Variants in RNF149 observed in about 807,000 individuals in gnomAD.
The protein encoded by RNF149 is E3 ubiquitin-protein ligase RNF149.
Under a neutral mutation model 39.0 loss-of-function variants are expected in RNF149, and 21 were observed. The observed-to-expected ratio is 0.54, with a 90% CI of 0.38 to 0.77. RNF149 has a LOEUF of 0.77. RNF149 is among the 30% of genes least tolerant of loss of function. The probability of loss-of-function intolerance (pLI) is 0.00; values close to 1 mark genes in which losing one functional copy is unlikely to be tolerated. For missense variants in RNF149, 493 were observed against 534.9 expected (o/e 0.92, Z 0.77); for synonymous variants, 209 against 213.6 (o/e 0.98, Z 0.19).
chr2:101,290,671 A>C (rs1682972413), intron 3 of RNF149, among the ~76,000 whole-genome samples: 1 of 152,258 alleles, frequency 6.6e-6, no homozygotes, highest in East Asian at 1.9e-4. Flanking sequence ...TAAATATTTG[A>C]AAATAGTTAC....
chr2:101,300,037 G>T (rs1656676077), intron 1 of RNF149, among the ~76,000 whole-genome samples: 1 of 152,198 alleles, frequency 6.6e-6, no homozygotes. Flanking sequence ...CTACAAAATG[G>T]GAATGAGAAT....
Position 101,278,167 on chromosome 2 carries a change from A to G in RNF149, c.1160-886T>C, listed in dbSNP as rs554306135. Among the ~76,000 whole-genome samples the G allele has an allele frequency of 3.9e-5, 6 of 152,178 alleles. No individual in the cohort carries two copies. In the East Asian group the frequency reaches 9.7e-4, roughly 25 times the overall value. On this transcript the variant is annotated intron_variant, in intron 6 of 6. Transcript: ENST00000295317. Reference sequence around the variant, plus strand: ...TTTCTTTTTTCTTTTCTTTTTTGATATAGGGTCTCACTCTCTCACCCAGGC... The same window carrying G: ...TTTCTTTTTTCTTTTCTTTTTTGATGTAGGGTCTCACTCTCTCACCCAGGC...
At chr2:101,282,492 A>C (rs977505895) in intron 5 of RNF149, among the ~76,000 whole-genome samples, 1 of 152,098 alleles carries the variant, frequency 6.6e-6, no homozygotes, top group Non-Finnish European at 1.5e-5. Flanking sequence ...TTTCTTGAAA[A>C]AGTTACTCTG....
Position 101,276,366 on chromosome 2 carries a change from T to G in RNF149, c.*872A>C. ...GCAAGGTCATGGTATTAAATCTGCT[T>G]AAACTCTAATCAAGAAAACTGGTTA... On this transcript the variant is annotated 3_prime_UTR_variant, in exon 7 of 7. Coordinates refer to ENST00000295317, the MANE Select transcript of RNF149 (RefSeq NM_173647.4). 29 of 985,860 alleles carry G rather than the reference T, an allele frequency of 2.9e-5. No homozygotes were observed. The highest frequency in any genetic ancestry group is 3.5e-5 in the Non-Finnish European group (29 of 829,918). 61.1% of individuals were successfully genotyped at this position (985,860 alleles called of 1,614,324 possible).
chr2:101,294,114 A>G, intron 2 of RNF149, 32 bp from the exon 3 acceptor site: 1 of 1,168,110 alleles, frequency 8.6e-7, no homozygotes, highest in Non-Finnish European at 1.3e-6. Context: ...ACAGTTATTG[A>G]AAAATTTAAA....
intron 1 of RNF149, among the ~76,000 whole-genome samples, chr2:101,304,885 G>A (rs943875543): frequency 6.8e-6 from 1 of 146,102 alleles, no homozygotes; most frequent in Admixed American, 7.0e-5. Flanking sequence ...CTGTCACCCA[G>A]GCTAGAGTAC....
rs1573260334 is a variant in RNF149, at chr2:101,301,290, C to G, written c.461-6109G>C. Among the ~76,000 whole-genome samples the G allele has an allele frequency of 2.0e-5, 3 of 151,644 alleles. No individual in the cohort carries two copies. The East Asian group carries it at 5.8e-4, about 29-fold the overall frequency. ...AATATCTTTGCACATAGTACATAAT[C>G]ATAAATCTACTTGCTGAACAATACT... is the stretch of plus-strand genomic sequence containing the variant. On this transcript the variant is annotated intron_variant, in intron 1 of 6. Transcript: ENST00000295317.
intron 1 of RNF149, among the ~76,000 whole-genome samples, chr2:101,302,546 T>C (rs372584362): frequency 5.9e-5 from 9 of 152,310 alleles, no homozygotes; most frequent in African/African-American, 2.2e-4. Flanking sequence ...TAATGTAACT[T>C]GACAATGTTA....
downstream of RNF149, among the ~76,000 whole-genome samples, chr2:101,275,111 GTTTT>G (rs1165388203): frequency 2.0e-5 from 1 of 51,056 alleles, no homozygotes; most frequent in African/African-American, 8.7e-5. Context: ...TAGTATTTCT[GTTTT>G]TTTTTTTTTT....
At chr2:101,303,419 G>A (rs750274125) in intron 1 of RNF149, among the ~76,000 whole-genome samples, 1 of 151,900 alleles carries the variant, frequency 6.6e-6, no homozygotes, top group African/African-American at 2.4e-5. Context: ...GAGCTACTGC[G>A]CCCGACCCCA....
At chr2:101,275,332 T>C (rs1217023178), downstream of RNF149, among the ~76,000 whole-genome samples, 1 of 148,654 alleles carries the variant, frequency 6.7e-6, no homozygotes, top group Non-Finnish European at 1.5e-5. Flanking sequence ...TTAGCCAGGA[T>C]GGTCTCGATC....
intron 1 of RNF149, among the ~76,000 whole-genome samples, chr2:101,299,113 G>A (rs915168574): frequency 2.0e-5 from 3 of 152,128 alleles, no homozygotes; most frequent in Admixed American, 2.0e-4. Flanking sequence ...CCAAAATCGC[G>A]CCACTGCACT....
Sources: gnomAD v4.1 joint callset for allele counts (sites outside exome capture counted in the v4.1 genomes callset) on GRCh38, gnomAD v4.1.1 for gene constraint, MANE v1.5 for transcripts, NCBI Gene and HGNC (gene_info 2026-07-23, HGNC 2026-07-21) for gene names.